The following HMCN1 variants were observed in gnomAD, a reference collection of about 807,000 sequenced individuals.
The protein encoded by HMCN1 is hemicentin-1.
HMCN1 carries 321 observed loss-of-function variants against 625.9 expected under a neutral mutation model. The observed-to-expected ratio is 0.51, with a 90% CI of 0.47 to 0.56. HMCN1 has a LOEUF of 0.56. HMCN1 is among the 20% of genes least tolerant of loss of function. HMCN1 has a pLI of 0.00. For missense variants in HMCN1, 6,588 were observed against 6,887.3 expected, an observed-to-expected ratio of 0.96 and a Z score of 1.54; for synonymous variants, 2,425 against 2,417.6, an observed-to-expected ratio of 1.00 and a Z score of -0.09.
chr1:186,174,665 A>G, intron 103 of HMCN1, 23 bp downstream of exon 103: 1 of 1,613,308 alleles, frequency 6.2e-7, no homozygotes, highest in South Asian at 1.1e-5. Context: ...GAACTTGTTG[A>G]GCAATAAAGC....
chr1:186,155,267 T>TAATC (rs1211267639), intron 97 of HMCN1, among the ~76,000 whole-genome samples: 1 of 152,174 alleles, frequency 6.6e-6, no homozygotes, highest in Non-Finnish European at 1.5e-5. Flanking sequence ...TTTTTTGAGG[T>TAATC]AATCACAGAT....
Position 186,053,859 on chromosome 1 carries a change from T to C in HMCN1, c.6735T>C (p.Val2245=). The C allele has an allele frequency of 2.5e-6, 4 of 1,612,736 alleles. No homozygotes were observed. Among genetic ancestry groups the C allele is most frequent in the Non-Finnish European group, 3.4e-6 (4 of 1,179,182 alleles). The part of the protein sequence containing the change: ...SPVLTDSMGR[V]RILSGGRQLQ... Reference sequence around the variant, plus strand: ...TGCTGACTGATTCCATGGGGCGAGTTAGAATTTTATCTGGGGGCAGGCAAT... The same window carrying C: ...TGCTGACTGATTCCATGGGGCGAGTCAGAATTTTATCTGGGGGCAGGCAAT... Residue 2245 remains valine, a synonymous_variant, in exon 44 of 107, where the codon GTT becomes GTC. Coordinates refer to ENST00000271588, the MANE Select transcript of HMCN1 (RefSeq NM_031935.3).
intron 4 of HMCN1, among the ~76,000 whole-genome samples, chr1:185,870,591 G>A (rs377732697): frequency 5.9e-5 from 9 of 152,058 alleles, no homozygotes; most frequent in South Asian, 2.1e-4. Flanking sequence ...CATAGTAGGT[G>A]TATGTATTTA....
chr1:185,865,685 A>AT (rs1433562878), intron 3 of HMCN1, 56 bp from the exon 4 acceptor site: 16 of 1,506,886 alleles, frequency 1.1e-5, no homozygotes, highest in Admixed American at 5.1e-5. Flanking sequence ...CAATACACAT[A>AT]TTTTTTTATT....
rs1187255022 is a variant in HMCN1 at position 186,038,038 on chromosome 1, A to G, written c.5851+3A>G. ...GGCAGCTGGAAATCCTGTGCCTGGTACATTTACTTTTGAACTCTGTAACTT... is the reference window on the plus strand; with the variant it reads ...GGCAGCTGGAAATCCTGTGCCTGGTGCATTTACTTTTGAACTCTGTAACTT... On this transcript the variant is annotated splice_donor_region_variant and intron_variant, in intron 37 of 106. Transcript: ENST00000271588. 6.3e-7 allele frequency: 1 copy of G among 1,580,120 alleles called. No homozygotes were observed. Among genetic ancestry groups the G allele is most frequent in the Non-Finnish European group, 8.7e-7 (1 of 1,149,218 alleles).
intron 58 of HMCN1, 130 bp downstream of exon 58, chr1:186,086,537 T>A: frequency 1.1e-6 from 1 of 912,886 alleles, no homozygotes; most frequent in Non-Finnish European, 1.7e-6. Context: ...AATGCCTCTC[T>A]TTGCCCATTT....
chr1:186,069,827 T>G lies in HMCN1; in HGVS notation c.7993+51T>G, dbSNP rs558149869. 9.3e-6 allele frequency: 11 copies of G among 1,184,888 alleles called. No homozygotes were observed. The South Asian group carries it at 1.4e-4, about 15-fold the overall frequency. The allele number at this position is 1,184,888 out of a possible 1,614,324, so 73.4% of individuals were successfully genotyped here. A position where few individuals can be genotyped will look rare whatever the true frequency, so the allele number is the denominator to read the frequency against. On this transcript the variant is annotated intron_variant, in intron 51 of 106. Coordinates refer to ENST00000271588, the MANE Select transcript of HMCN1 (RefSeq NM_031935.3). ...TCATAGCTTCCCCAATTTTTCTAACTTTTTCAATCCTGTTTTTCATTATGG... is the reference window on the plus strand; with the variant it reads ...TCATAGCTTCCCCAATTTTTCTAACGTTTTCAATCCTGTTTTTCATTATGG...
intron 11 of HMCN1, among the ~76,000 whole-genome samples, chr1:185,953,135 G>A (rs1558090590): frequency 6.6e-6 from 1 of 151,526 alleles, no homozygotes; most frequent in South Asian, 2.1e-4. Flanking sequence ...GAAGGAGAAG[G>A]GGTTGAGGGG....
At chr1:185,783,721 G>A (rs1047230873) in intron 1 of HMCN1, among the ~76,000 whole-genome samples, 3 of 152,154 alleles carry the variant, frequency 2.0e-5, no homozygotes, top group African/African-American at 4.8e-5. Context: ...GTCTCAGAGG[G>A]GTACCCGGCC....
At position 186,166,862 on chromosome 1, in the gene HMCN1, A is replaced by G. The variant is rs1417969409; in HGVS notation, c.15494A>G (p.Asp5165Gly). 1 of 1,614,164 alleles carries G rather than the reference A, an allele frequency of 6.2e-7. No individual in the cohort carries two copies. The change falls in exon 100 of 107, where the codon GAC becomes GGC. Residue 5165 changes from aspartate to glycine, a missense_variant. Asp to Gly is a moderately conservative substitution (Grantham distance 94). Transcript: ENST00000271588. ...RHTCHAGQDC[D>G]NTIGSYRCVV... ...ACCTGCCACGCTGGTCAGGACTGTG[A>G]CAATACGATTGGATCTTATCGCTGT...
At chr1:186,071,175 G>T (rs1451692596) in intron 52 of HMCN1, among the ~76,000 whole-genome samples, 2 of 152,090 alleles carry the variant, frequency 1.3e-5, no homozygotes, top group Non-Finnish European at 2.9e-5. Flanking sequence ...CATAAATGTT[G>T]CTATCCCGGG....
intron 9 of HMCN1, among the ~76,000 whole-genome samples, chr1:185,925,496 T>C (rs181182137): frequency 1.6e-3 from 245 of 152,284 alleles, no homozygotes; most frequent in African/African-American, 5.7e-3. Flanking sequence ...AAATACAGAA[T>C]TATGAAAATG....
rs71634150 is a variant in HMCN1, at chr1:186,022,882, C to T, written c.5626-148C>T. 7.1e-3 allele frequency: 5,407 copies of T among 762,474 alleles called. 33 individuals carry two copies. The highest frequency in any genetic ancestry group is 9.2e-3 in the Non-Finnish European group (4,156 of 449,376). The allele number at this position is 762,474 out of a possible 1,614,324, so 47.2% of individuals were successfully genotyped here. On this transcript the variant is annotated intron_variant, in intron 35 of 106. Coordinates refer to ENST00000271588, the MANE Select transcript of HMCN1 (RefSeq NM_031935.3). ...TGTCTTGTGCATGATGATGTGAACTCGCTCTAGTCTATCAAGGGTTTATTA... is the reference window on the plus strand; with the variant it reads ...TGTCTTGTGCATGATGATGTGAACTTGCTCTAGTCTATCAAGGGTTTATTA...
At chr1:185,979,618 G>A (rs1434477846) in intron 16 of HMCN1, among the ~76,000 whole-genome samples, 1 of 152,114 alleles carries the variant, frequency 6.6e-6, no homozygotes, top group Non-Finnish European at 1.5e-5. Context: ...TAGAACTAAT[G>A]TATGATTTAT....
intron 89 of HMCN1, among the ~76,000 whole-genome samples, chr1:186,141,183 G>C (rs1327863001): frequency 6.6e-6 from 1 of 151,884 alleles, no homozygotes; most frequent in Non-Finnish European, 1.5e-5. Context: ...CTGCTGATCT[G>C]ACAGGAGACG....
chr1:186,110,172 T>C (rs1208915317), intron 71 of HMCN1, among the ~76,000 whole-genome samples: 1 of 152,206 alleles, frequency 6.6e-6, no homozygotes, highest in East Asian at 1.9e-4. Context: ...TTTGGTTTCA[T>C]GGTCCATATT....
At chr1:185,836,054 G>C (rs1254513539) in intron 1 of HMCN1, among the ~76,000 whole-genome samples, 3 of 152,146 alleles carry the variant, frequency 2.0e-5, no homozygotes, top group African/African-American at 7.2e-5. Context: ...GTTTTGATTA[G>C]ACTCGAAATA....
chr1:186,170,791 C>A (rs893513170), intron 100 of HMCN1, among the ~76,000 whole-genome samples: 3 of 152,170 alleles, frequency 2.0e-5, no homozygotes, highest in African/African-American at 7.2e-5. Context: ...TTGAGGAGTT[C>A]ATGCCTGCAC....
At chr1:186,137,418 CCGTGCATAT>C in intron 87 of HMCN1, 71 bp from the exon 88 acceptor site, 1 of 1,443,600 alleles carries the variant, frequency 6.9e-7, no homozygotes. Flanking sequence ...GCTCTGTAAC[CCGTGCATAT>C]CTTAAATGAA....
Sources: allele counts gnomAD v4.1 joint callset (sites outside exome capture counted in the v4.1 genomes callset), GRCh38; gene constraint gnomAD v4.1.1; transcripts MANE v1.5; gene names NCBI Gene and HGNC (gene_info 2026-07-23, HGNC 2026-07-21).